Variants in ATP13A2 observed in about 807,000 individuals in gnomAD.
ATP13A2 encodes polyamine-transporting ATPase 13A2.
ATP13A2 carries 83 observed loss-of-function variants against 138.3 expected under a neutral mutation model. That is an observed-to-expected ratio of 0.60 (90% CI 0.50 to 0.72). The LOEUF (loss-of-function observed/expected upper bound fraction) is 0.72, where lower values mean the gene tolerates loss of function less well. Ranked by LOEUF, ATP13A2 falls within the 30% of genes least tolerant of loss-of-function variation. The probability of loss-of-function intolerance (pLI) is 0.00; values close to 1 mark genes in which losing one functional copy is unlikely to be tolerated. For missense variants in ATP13A2, 1,402 were observed against 1,606.4 expected (o/e 0.87, Z 2.17); for synonymous variants, 663 against 699.0 (o/e 0.95, Z 0.81).
intron 11 of ATP13A2, among the ~76,000 whole-genome samples, chr1:16,999,317 T>C (rs1570848910): frequency 7.3e-6 from 1 of 137,356 alleles, no homozygotes; most frequent in African/African-American, 2.8e-5. Flanking sequence ...GAGGTGGAGG[T>C]TGCAGTGAGC....
In ATP13A2 at chr1:17,000,129, C is replaced by T. The variant is rs753184505; in HGVS notation, c.921G>A (p.Val307=). The T allele has an allele frequency of 1.2e-6, 2 of 1,613,294 alleles. No individual in the cohort carries two copies. The highest frequency in any genetic ancestry group is 1.7e-6 in the Non-Finnish European group (2 of 1,180,014). The change falls in exon 11 of 29, where the codon GTG becomes GTA. Residue 307 remains valine (V), a synonymous_variant. Coordinates refer to ENST00000326735, the MANE Select transcript of ATP13A2 (RefSeq NM_022089.4). The part of the protein sequence containing the change: ...VCRPGGEEEW[V]DSSELVPGDC... ...CTCCGGGCACTAGCTCACTGGAGTCCACCCACTCTTCCTCTGCAGGCAGGC... is the reference window on the plus strand; with the variant it reads ...CTCCGGGCACTAGCTCACTGGAGTCTACCCACTCTTCCTCTGCAGGCAGGC...
intron 6 of ATP13A2, among the ~76,000 whole-genome samples, chr1:17,003,328 C>G (rs991024344): frequency 1.3e-4 from 20 of 152,018 alleles, no homozygotes; most frequent in African/African-American, 4.6e-4. Context: ...GAGGCTGAGG[C>G]GGGTGGATCA....
In ATP13A2 at chr1:16,995,857, C is replaced by A; in HGVS notation, c.1542+119G>T. On this transcript the variant is annotated intron_variant, in intron 15 of 28. Coordinates refer to ENST00000326735, the MANE Select transcript of ATP13A2 (RefSeq NM_022089.4). This position sits in a 1 kb window ranked among gnomAD's most constrained non-coding sequence, Gnocchi z 4.1. ...GGGTGGATCCTCTGGGGGTTTCCAT[C>A]CCTAGACAGGACCTGGCATCCTGTG... 1.6e-6 allele frequency: 2 copies of A among 1,284,184 alleles called. No homozygotes were observed. The highest frequency in any genetic ancestry group is 2.2e-6 in the Non-Finnish European group (2 of 911,744). The allele number at this position is 1,284,184 out of a possible 1,614,324, so 79.5% of individuals were successfully genotyped here. A position where few individuals can be genotyped will look rare whatever the true frequency, so the allele number is the denominator to read the frequency against.
intron 20 of ATP13A2, 63 bp downstream of exon 20, chr1:16,991,671 T>A: frequency 6.2e-7 from 1 of 1,613,000 alleles, no homozygotes; most frequent in South Asian, 1.1e-5. Flanking sequence ...CTGGTGCCCC[T>A]CTTCTCTGCC....
At chr1:16,996,887 C>T (rs1033147775) in intron 12 of ATP13A2, 133 bp downstream of exon 12, 7 of 1,185,584 alleles carry the variant, frequency 5.9e-6, no homozygotes, top group South Asian at 2.6e-5. Context: ...GCAACTGGCC[C>T]GAGGTCCCAC....
At chr1:16,994,186 T>G (rs1022734241) in intron 15 of ATP13A2, among the ~76,000 whole-genome samples, 1 of 145,490 alleles carries the variant, frequency 6.9e-6, no homozygotes, top group African/African-American at 2.5e-5. Flanking sequence ...GTTGGCTCGC[T>G]CTCTCTCTCT....
chr1:16,990,575 T>C (rs1000395970), intron 20 of ATP13A2, among the ~76,000 whole-genome samples: 2 of 152,162 alleles, frequency 1.3e-5, no homozygotes, highest in Non-Finnish European at 2.9e-5. Flanking sequence ...TGGAGTGCAG[T>C]GGCTTGATCT....
At chr1:17,000,837 G>A in intron 8 of ATP13A2, 1 of 359,872 alleles carries the variant, frequency 2.8e-6, no homozygotes, top group South Asian at 3.2e-5. Flanking sequence ...AGCTACTCAG[G>A]AGGCTGAGGT....
rs764964693 is a variant in ATP13A2 at position 16,986,183 on chromosome 1, C to T, written c.*38G>A. The stretch of plus-strand genomic sequence containing the variant: ...AGGGGTCCAGTTGGTGGCTCAGAGG[C>T]AGGGAGTTCCAGTGTCTGGGGTGCC... On this transcript the variant is annotated 3_prime_UTR_variant, in exon 29 of 29. Coordinates refer to ENST00000326735, the MANE Select transcript of ATP13A2 (RefSeq NM_022089.4). This position sits in a 1 kb window ranked among gnomAD's most constrained non-coding sequence, Gnocchi z 6.9. The T allele has an allele frequency of 3.0e-5, 48 of 1,612,310 alleles. No individual in the cohort carries two copies. Among genetic ancestry groups the T allele is most frequent in the Non-Finnish European group, 4.0e-5 (47 of 1,179,580 alleles).
rs778005251 is a variant in ATP13A2, at chr1:17,004,723, T to C, written c.446A>G (p.His149Arg). The part of the protein sequence containing the change: ...EGAWKDTAQL[H>R]KSEEAVSVGQ... Reference sequence around the variant, plus strand: ...GACACTCACCGCCTCCTCGCTCTTGTGGAGCTGGGCCGTATCCTTCCAGGC... The same window carrying C: ...GACACTCACCGCCTCCTCGCTCTTGCGGAGCTGGGCCGTATCCTTCCAGGC... Residue 149 changes from histidine (H) to arginine (R), a missense_variant, in exon 5 of 29, where the codon CAC (histidine) becomes CGC (arginine). Coordinates refer to ENST00000326735, the MANE Select transcript of ATP13A2 (RefSeq NM_022089.4). The surrounding 1 kb of genome is among the most constrained non-coding windows in gnomAD (Gnocchi z 4.1). 6.2e-7 allele frequency: 1 copy of C among 1,614,134 alleles called. No homozygotes were observed. Among genetic ancestry groups the C allele is most frequent in the Admixed American group, 1.7e-5 (1 of 60,024 alleles).
chr1:16,990,383 C>A, intron 20 of ATP13A2, 96 bp from the exon 21 acceptor site: 1 of 1,500,652 alleles, frequency 6.7e-7, no homozygotes, highest in Non-Finnish European at 9.2e-7. Flanking sequence ...GGATGAAATC[C>A]GTCTGCCACC....
intron 1 of ATP13A2, among the ~76,000 whole-genome samples, chr1:17,006,353 C>T (rs186323307): frequency 2.7e-5 from 4 of 150,860 alleles, no homozygotes; most frequent in East Asian, 2.0e-4. Context: ...CAGGTTCAAG[C>T]GATTCTCCTG....
At position 16,997,138 on chromosome 1, in the gene ATP13A2, C is replaced by T. The variant is rs535852897; in HGVS notation, c.1077G>A (p.Glu359=). The part of the protein sequence containing the change: ...SIPVLKTALP[E]GLGPYCAETH... Reference sequence around the variant, plus strand: ...TCTCTGCACAGTAGGGCCCCAGCCCCTCCGGCAGTGCCGTCTTCAGCACTG... The same window carrying T: ...TCTCTGCACAGTAGGGCCCCAGCCCTTCCGGCAGTGCCGTCTTCAGCACTG... Residue 359 remains glutamate (E), a synonymous_variant, in exon 12 of 29, where the codon GAG becomes GAA. Coordinates refer to ENST00000326735, the MANE Select transcript of ATP13A2 (RefSeq NM_022089.4). 1.4e-5 allele frequency: 22 copies of T among 1,613,774 alleles called. No homozygotes were observed. Among genetic ancestry groups the T allele is most frequent in the East Asian group, 2.2e-5 (1 of 44,880 alleles).
intron 7 of ATP13A2, 71 bp from the exon 8 acceptor site, chr1:17,002,174 TC>T: frequency 3.2e-6 from 5 of 1,579,838 alleles, no homozygotes; most frequent in African/African-American, 1.3e-5. Flanking sequence ...GTGAAGGAGC[TC>T]CCCACTTTCA....
chr1:17,005,200 C>A (rs756446875), intron 3 of ATP13A2, 128 bp from the exon 4 acceptor site: 2 of 1,469,676 alleles, frequency 1.4e-6, no homozygotes, highest in Non-Finnish European at 1.9e-6. Flanking sequence ...CAGAAACCAC[C>A]CGACCCGTCC....
Position 17,005,482 on chromosome 1 carries a change from G to T in ATP13A2, c.180C>A (p.Ile60=). Residue 60 remains isoleucine, a synonymous_variant, in exon 3 of 29, where the codon ATC becomes ATA. Coordinates refer to ENST00000326735, the MANE Select transcript of ATP13A2 (RefSeq NM_022089.4). ...GCTTCCAACGGAAGAGCAGCAAAGGGATCCCAGCCATCATCCAGACCACGA... is the reference window on the plus strand; with the variant it reads ...GCTTCCAACGGAAGAGCAGCAAAGGTATCCCAGCCATCATCCAGACCACGA... ...YHVVVWMMAG[I]PLLLFRWKPL... 6.2e-7 allele frequency: 1 copy of T among 1,614,256 alleles called. No homozygotes were observed.
rs761031832 is a variant in ATP13A2 at position 16,986,790 on chromosome 1, C to T, written c.3235+15G>A. Reference sequence around the variant, plus strand: ...TCCCTCCGCCAGCATCTCCCGCCCGCGCCCGCAGTGGCACCATTGGTGTAG... The same window carrying T: ...TCCCTCCGCCAGCATCTCCCGCCCGTGCCCGCAGTGGCACCATTGGTGTAG... On this transcript the variant is annotated intron_variant, in intron 27 of 28. Transcript: ENST00000326735. This position sits in a 1 kb window ranked among gnomAD's most constrained non-coding sequence, Gnocchi z 6.9. 1.7e-5 allele frequency: 27 copies of T among 1,610,542 alleles called. No homozygotes were observed. Among genetic ancestry groups the T allele is most frequent in the East Asian group, 2.2e-5 (1 of 44,780 alleles).
chr1:16,996,935 T>G (rs1300454737), intron 12 of ATP13A2, 85 bp downstream of exon 12: 3 of 1,519,008 alleles, frequency 2.0e-6, no homozygotes, highest in Non-Finnish European at 2.7e-6. Flanking sequence ...GGGTCCAGGG[T>G]TCCAGGTCCC....
intron 1 of ATP13A2, among the ~76,000 whole-genome samples, chr1:17,006,248 C>A (rs116217187): frequency 0.045 from 6,357 of 141,508 alleles, 187 homozygotes; most frequent in African/African-American, 0.086. Context: ...TTCTTACTTA[C>A]CGTATCTTTT....
Sources: allele counts gnomAD v4.1 joint callset (sites outside exome capture counted in the v4.1 genomes callset), GRCh38; gene constraint gnomAD v4.1.1; non-coding constraint Gnocchi (gnomAD v3.1); transcripts MANE v1.5; gene names NCBI Gene and HGNC (gene_info 2026-07-23, HGNC 2026-07-21).